Variants in CCDC69 observed in about 807,000 individuals in gnomAD.
CCDC69 encodes coiled-coil domain containing 69, also known as coiled-coil domain-containing protein 69.
A neutral mutation model predicts 40.3 loss-of-function variants in CCDC69; 38 were observed. That is an observed-to-expected ratio of 0.94 (90% CI 0.73 to 1.24). The LOEUF (loss-of-function observed/expected upper bound fraction) is 1.24, where lower values mean the gene tolerates loss of function less well. Ranked by LOEUF, CCDC69 falls within the 50% of genes most tolerant of loss-of-function variation. The pLI is 0.00. For synonymous variants in CCDC69, 141 were observed against 138.9 expected (o/e 1.02, Z -0.11); for missense variants, 389 against 357.9 (o/e 1.09, Z -0.70).
intron 1 of CCDC69, among the ~76,000 whole-genome samples, chr5:151,214,636 G>A (rs1231215004): frequency 6.6e-6 from 1 of 152,158 alleles, no homozygotes; most frequent in African/African-American, 2.4e-5. Context: ...CAATGTGATT[G>A]TACAACCAAC....
At chr5:151,213,762 T>C (rs1200826230) in intron 1 of CCDC69, among the ~76,000 whole-genome samples, 1 of 152,200 alleles carries the variant, frequency 6.6e-6, no homozygotes, top group Non-Finnish European at 1.5e-5. Context: ...CTTCAAGGCT[T>C]GTGTATTTCT....
rs1045290559 is a variant in CCDC69, at chr5:151,216,030, C to G, written c.48+7893G>C. Among the ~76,000 whole-genome samples, 3 of 152,362 alleles carry G rather than the reference C, an allele frequency of 2.0e-5. No individual in the cohort carries two copies. In the East Asian group the frequency reaches 5.8e-4, roughly 29 times the overall value. ...CTGGAGTGCAGTGGTGTATTCTTGG[C>G]TCACTGCAACGTCCACCTCCCAGGT... On this transcript the variant is annotated intron_variant, in intron 1 of 8. Coordinates refer to ENST00000355417, the MANE Select transcript of CCDC69 (RefSeq NM_015621.3).
At chr5:151,191,608 T>C (rs1049423104) in intron 4 of CCDC69, among the ~76,000 whole-genome samples, 5 of 152,210 alleles carry the variant, frequency 3.3e-5, no homozygotes, top group African/African-American at 1.2e-4. Context: ...CTTCCACATA[T>C]TCAATGCCAG....
chr5:151,195,755 CCA>C (rs886579876), intron 4 of CCDC69, among the ~76,000 whole-genome samples: 48 of 149,362 alleles, frequency 3.2e-4, no homozygotes, highest in Non-Finnish European at 3.7e-4. Context: ...ACACTCACAC[CCA>C]CACACACACC....
chr5:151,223,246 G>C (rs567162887), intron 1 of CCDC69, among the ~76,000 whole-genome samples: 60 of 152,310 alleles, frequency 3.9e-4, no homozygotes, highest in African/African-American at 1.3e-3. Flanking sequence ...AGGCCCCTTG[G>C]GGGAAGGACA....
In CCDC69 at chr5:151,185,413, G is replaced by A. The variant is rs1752484058; in HGVS notation, c.615+9C>T. ...AGGCTGCATCCCCCAGCCACTCCCA[G>A]TCACAGACCACTGTTTCCATGAGGA... On this transcript the variant is annotated intron_variant, in intron 7 of 8. Transcript: ENST00000355417. 1.2e-6 allele frequency: 2 copies of A among 1,613,318 alleles called. No individual in the cohort carries two copies. Among genetic ancestry groups the A allele is most frequent in the African/African-American group, 1.3e-5 (1 of 74,922 alleles).
At chr5:151,222,421 T>C (rs1753147406) in intron 1 of CCDC69, among the ~76,000 whole-genome samples, 1 of 152,204 alleles carries the variant, frequency 6.6e-6, no homozygotes, top group South Asian at 2.1e-4. Flanking sequence ...CCCCGTTTCC[T>C]CCACCTCTAG....
chr5:151,189,562 A>G (rs989229989), intron 4 of CCDC69, among the ~76,000 whole-genome samples: 13 of 151,986 alleles, frequency 8.6e-5, no homozygotes, highest in South Asian at 2.1e-4. Context: ...AAAAGGGTGC[A>G]GTGCAAAAAA....
At chr5:151,219,969 G>A (rs990178675) in intron 1 of CCDC69, among the ~76,000 whole-genome samples, 1 of 151,840 alleles carries the variant, frequency 6.6e-6, no homozygotes, top group Non-Finnish European at 1.5e-5. Flanking sequence ...AAATCTGCTC[G>A]ATTTAGCCTC....
At chr5:151,212,095 T>G (rs1752963347) in intron 1 of CCDC69, 2 of 150,446 alleles carry the variant, frequency 1.3e-5, no homozygotes, top group Admixed American at 6.6e-5. Context: ...TGGGGTGGGG[T>G]ATCCGGACTA....
chr5:151,208,600 G>C (rs900443187), intron 1 of CCDC69, among the ~76,000 whole-genome samples: 1 of 152,246 alleles, frequency 6.6e-6, no homozygotes, highest in East Asian at 1.9e-4. Context: ...CAGGGAAGAG[G>C]AGGAAGCCTG....
At chr5:151,194,826 AG>A (rs1379745409) in intron 4 of CCDC69, among the ~76,000 whole-genome samples, 3 of 135,870 alleles carry the variant, frequency 2.2e-5, no homozygotes, top group African/African-American at 8.4e-5. Flanking sequence ...CGGGAGGCGG[AG>A]GTTGCAGTGA....
intron 1 of CCDC69, among the ~76,000 whole-genome samples, chr5:151,214,477 C>T (rs1179948539): frequency 6.6e-6 from 1 of 152,202 alleles, no homozygotes; most frequent in Admixed American, 6.5e-5. Flanking sequence ...CTCCCCATCT[C>T]TAAGATGGGC....
intron 7 of CCDC69, 133 bp downstream of exon 7, chr5:151,185,289 G>T: frequency 1.1e-6 from 1 of 945,112 alleles, no homozygotes; most frequent in Non-Finnish European, 1.6e-6. Flanking sequence ...GGTCAGCACA[G>T]GTGGCAGGTC....
intron 4 of CCDC69, among the ~76,000 whole-genome samples, chr5:151,190,271 T>C (rs1341685668): frequency 6.6e-6 from 1 of 152,224 alleles, no homozygotes; most frequent in Admixed American, 6.5e-5. Context: ...GGGCATTAGA[T>C]GTATGTAGAT....
At chr5:151,191,342 T>C (rs995196719) in intron 4 of CCDC69, among the ~76,000 whole-genome samples, 2 of 152,178 alleles carry the variant, frequency 1.3e-5, no homozygotes, top group African/African-American at 4.8e-5. Context: ...AGCAAGAATA[T>C]AGAACTGAAT....
intron 2 of CCDC69, among the ~76,000 whole-genome samples, chr5:151,202,207 A>G (rs1752785333): frequency 6.6e-6 from 1 of 151,504 alleles, no homozygotes; most frequent in African/African-American, 2.4e-5. Flanking sequence ...AAAAAAAAAA[A>G]AAAAAAAGCT....
At position 151,209,730 on chromosome 5, in the gene CCDC69, C is replaced by G. The variant is rs150076066; in HGVS notation, c.49-4255G>C. Among the ~76,000 whole-genome samples, 685 of 152,258 alleles carry G rather than the reference C, an allele frequency of 4.5e-3. 2 individuals carry two copies. The highest frequency in any genetic ancestry group is 0.016 in the African/African-American group (656 of 41,532). On this transcript the variant is annotated intron_variant, in intron 1 of 8. Transcript: ENST00000355417. ...AAGTAGCTGGGACTACAGGCGTGTG[C>G]TACCACACCTGGCTAATTTTTGTAT...
At chr5:151,211,705 G>C (rs1752953404) in intron 1 of CCDC69, among the ~76,000 whole-genome samples, 1 of 151,902 alleles carries the variant, frequency 6.6e-6, no homozygotes, top group Admixed American at 6.6e-5. Context: ...TGTATTTTTA[G>C]TAGAGACGGG....
Sources: allele counts gnomAD v4.1 joint callset (sites outside exome capture counted in the v4.1 genomes callset), GRCh38; gene constraint gnomAD v4.1.1; transcripts MANE v1.5; gene names NCBI Gene and HGNC (gene_info 2026-07-23, HGNC 2026-07-21).